CEP162: variants seen among roughly 807,000 people sequenced by gnomAD.
The protein encoded by CEP162 is centrosomal protein of 162 kDa.
Under a neutral mutation model 169.2 loss-of-function variants are expected in CEP162, and 141 were observed. That is an observed-to-expected ratio of 0.83 (90% CI 0.73 to 0.96). The LOEUF (loss-of-function observed/expected upper bound fraction) is 0.96. CEP162 is among the 40% of genes least tolerant of loss of function. The pLI is 0.00. For synonymous variants in CEP162, 540 were observed against 526.4 expected, an observed-to-expected ratio of 1.03 and a Z score of -0.35; for missense variants, 1,600 against 1,587.2, an observed-to-expected ratio of 1.01 and a Z score of -0.14.
chr6:84,214,261 A>G lies in CEP162; in HGVS notation c.503+1021T>C, dbSNP rs1272493678. Among the ~76,000 whole-genome samples the G allele has an allele frequency of 1.1e-4, 16 of 152,226 alleles. 1 individual carries two copies. The highest frequency in any genetic ancestry group is 1.5e-5 in the Non-Finnish European group (1 of 68,038). ...GCCACTGCACTCCAGCCTGGGCGAC[A>G]GAGCGAGACTCCGTCTCAAAAAAAA... On this transcript the variant is annotated intron_variant, in intron 5 of 26. Coordinates refer to ENST00000403245, the MANE Select transcript of CEP162 (RefSeq NM_014895.4).
chr6:84,198,848 G>C lies in CEP162; in HGVS notation c.835+1941C>G, dbSNP rs544926405. 6.6e-5 allele frequency among the ~76,000 whole-genome samples: 10 copies of C among 152,234 alleles called. No homozygotes were observed. The South Asian group carries it at 2.1e-3, about 32-fold the overall frequency. ...TGCTTAGAAGTACTCATTATCCAAT[G>C]TCACAAAGCTGGTTAAGTGGCAAGC... On this transcript the variant is annotated intron_variant, in intron 9 of 26. Coordinates refer to ENST00000403245, the MANE Select transcript of CEP162 (RefSeq NM_014895.4).
At chr6:84,208,104 A>C (rs1337575896) in intron 6 of CEP162, among the ~76,000 whole-genome samples, 1 of 145,440 alleles carries the variant, frequency 6.9e-6, no homozygotes, top group East Asian at 2.0e-4. Context: ...CCCTTCCCTT[A>C]GGTAAATACT....
At chr6:84,194,684 C>T (rs936356096) in intron 10 of CEP162, among the ~76,000 whole-genome samples, 200 bp downstream of exon 10, 3 of 152,088 alleles carry the variant, frequency 2.0e-5, no homozygotes, top group Admixed American at 6.6e-5. Flanking sequence ...AATCTCTTGA[C>T]CTCGTGATCC....
chr6:84,169,579 G>C (rs889313392), intron 17 of CEP162, 146 bp from the exon 18 acceptor site: 1 of 498,882 alleles, frequency 2.0e-6, no homozygotes, highest in Non-Finnish European at 3.5e-6. Flanking sequence ...TTAATCTAAA[G>C]ATTAAAATAC....
intron 15 of CEP162, 96 bp downstream of exon 15, chr6:84,174,631 C>A: frequency 1.5e-6 from 1 of 649,558 alleles, no homozygotes; most frequent in Non-Finnish European, 2.6e-6. Context: ...AGTCAAACAT[C>A]TCTAGGAACC....
chr6:84,186,656 C>T, intron 11 of CEP162, 33 bp from the exon 12 acceptor site: 6 of 1,536,802 alleles, frequency 3.9e-6, no homozygotes, highest in Non-Finnish European at 5.2e-6. Context: ...GATAATGAAC[C>T]CTATGTAACA....
chr6:84,165,511 T>C (rs2099527470), intron 18 of CEP162, among the ~76,000 whole-genome samples: 1 of 152,080 alleles, frequency 6.6e-6, no homozygotes, highest in African/African-American at 2.4e-5. Flanking sequence ...ATACCTCTAG[T>C]ATGGCATTTA....
chr6:84,174,236 G>A, intron 15 of CEP162, 48 bp from the exon 16 acceptor site: 1 of 1,458,258 alleles, frequency 6.9e-7, no homozygotes, highest in Non-Finnish European at 9.4e-7. Flanking sequence ...GAAATGATAA[G>A]GTGAGAAGTG....
At chr6:84,170,440 A>C (rs1032070001) in intron 17 of CEP162, among the ~76,000 whole-genome samples, 4 of 150,462 alleles carry the variant, frequency 2.7e-5, no homozygotes, top group Non-Finnish European at 4.4e-5. Flanking sequence ...CACTGTGCAG[A>C]TTATCACACA....
intron 11 of CEP162, 41 bp downstream of exon 11, chr6:84,193,568 A>T (rs1291024271): frequency 8.0e-7 from 1 of 1,246,076 alleles, no homozygotes; most frequent in Non-Finnish European, 1.1e-6. Flanking sequence ...AAATGACTAT[A>T]AAAGTTTCCA....
At chr6:84,177,342 T>C (rs1487356469) in intron 13 of CEP162, among the ~76,000 whole-genome samples, 3 of 152,158 alleles carry the variant, frequency 2.0e-5, no homozygotes, top group Non-Finnish European at 2.9e-5. Flanking sequence ...CAGGAAAAAC[T>C]TTCTGGGTTT....
At chr6:84,143,528 ATAAT>A in intron 25 of CEP162, among the ~76,000 whole-genome samples, 1 of 152,124 alleles carries the variant, frequency 6.6e-6, no homozygotes, top group African/African-American at 2.4e-5. Context: ...AAGGGAAAAA[ATAAT>A]TAAATCTGTA....
chr6:84,161,654 T>C (rs1329416431), intron 20 of CEP162, 92 bp downstream of exon 20: 7 of 881,886 alleles, frequency 7.9e-6, no homozygotes, highest in Admixed American at 3.0e-5. Context: ...TCTTAATTAA[T>C]TAATGATGCA....
rs767635886 is a variant in CEP162, at chr6:84,193,709, A to C, written c.1028-19T>G. On this transcript the variant is annotated intron_variant, in intron 10 of 26. Transcript: ENST00000403245. The stretch of plus-strand genomic sequence containing the variant: ...GGCAGATCTAAGAGGTGGAAAAAAA[A>C]GTAGAAACGAAAAATGTTATGTAGG... 2 of 1,485,422 alleles carry C rather than the reference A, an allele frequency of 1.3e-6. No individual in the cohort carries two copies. The highest frequency in any genetic ancestry group is 4.4e-5 in the Admixed American group (2 of 45,802). The allele number at this position is 1,485,422 out of a possible 1,614,324, so 92.0% of individuals were successfully genotyped here. A position where few individuals can be genotyped will look rare whatever the true frequency, so the allele number is the denominator to read the frequency against.
chr6:84,215,192 T>C (rs373644657), intron 5 of CEP162, 90 bp downstream of exon 5: 2 of 615,168 alleles, frequency 3.3e-6, no homozygotes, highest in African/African-American at 1.9e-5. Context: ...TTGCCTGTTA[T>C]AATGTTTACC....
At chr6:84,184,322 C>T (rs1450978173) in intron 13 of CEP162, among the ~76,000 whole-genome samples, 2 of 152,118 alleles carry the variant, frequency 1.3e-5, no homozygotes, top group Non-Finnish European at 2.9e-5. Context: ...CAGCTACTGG[C>T]CCATTATTTT....
At chr6:84,204,221 AAG>A (rs1486185064) in intron 6 of CEP162, 125 bp from the exon 7 acceptor site, 6 of 565,698 alleles carry the variant, frequency 1.1e-5, no homozygotes, top group African/African-American at 7.6e-5. Context: ...TAGTAACATA[AAG>A]ATGTCTTTAG....
chr6:84,186,911 C>T (rs1419198722), intron 11 of CEP162, among the ~76,000 whole-genome samples: 1 of 152,152 alleles, frequency 6.6e-6, no homozygotes, highest in Non-Finnish European at 1.5e-5. Context: ...AAGACTGAGA[C>T]TGCTTTTGTA....
At chr6:84,178,192 CTATT>C (rs1257272553) in intron 13 of CEP162, among the ~76,000 whole-genome samples, 2 of 151,810 alleles carry the variant, frequency 1.3e-5, no homozygotes, top group Non-Finnish European at 1.5e-5. Flanking sequence ...AGATATTTGG[CTATT>C]TAAACTTGAC....
Sources: gnomAD v4.1 joint callset for allele counts (sites outside exome capture counted in the v4.1 genomes callset) on GRCh38, gnomAD v4.1.1 for gene constraint, MANE v1.5 for transcripts, NCBI Gene and HGNC (gene_info 2026-07-23, HGNC 2026-07-21) for gene names.